The following LTBP1 variants were observed in gnomAD, a reference collection of about 807,000 sequenced individuals.
LTBP1 encodes the protein latent transforming growth factor beta binding protein 1.
A neutral mutation model predicts 207.6 loss-of-function variants in LTBP1; 129 were observed. That is an observed-to-expected ratio of 0.62 (90% CI 0.54 to 0.72). The LOEUF (loss-of-function observed/expected upper bound fraction) is 0.72, where lower values mean the gene tolerates loss of function less well. LTBP1 is among the 30% of genes least tolerant of loss of function. The pLI is 0.00. For missense variants in LTBP1, 2,281 were observed against 2,217.2 expected (o/e 1.03, Z -0.58); for synonymous variants, 963 against 833.7 (o/e 1.16, Z -2.67).
chr2:33,293,220 G>C lies in LTBP1; in HGVS notation c.3173G>C (p.Gly1058Ala), dbSNP rs1413822905. ...AATGGTGATTGTTCCAACCTTGAAGGCTCCTACATGTGTTCATGCCACAAA... is the reference window on the plus strand; with the variant it reads ...AATGGTGATTGTTCCAACCTTGAAGCCTCCTACATGTGTTCATGCCACAAA... ...CANGDCSNLE[G>A]SYMCSCHKGY... Residue 1058 changes from glycine to alanine, a missense_variant, in exon 20 of 34, where the codon GGC becomes GCC. Around this residue, in one of 3 missense-constraint regions of LTBP1, gnomAD observed 1,671 missense variants for 1,634.8 expected, o/e 1.02. Coordinates refer to ENST00000404816, the MANE Select transcript of LTBP1 (RefSeq NM_206943.4). The C allele has an allele frequency of 1.9e-6, 3 of 1,613,996 alleles. No homozygotes were observed. Among genetic ancestry groups the C allele is most frequent in the Admixed American group, 3.3e-5 (2 of 60,006 alleles).
At chr2:33,347,110 T>C (rs1573951866) in intron 25 of LTBP1, among the ~76,000 whole-genome samples, 1 of 106,878 alleles carries the variant, frequency 9.4e-6, no homozygotes. Flanking sequence ...AGAGCGAGAC[T>C]CCGTCTCAAA....
intron 3 of LTBP1, among the ~76,000 whole-genome samples, chr2:33,060,599 G>A (rs190562924): frequency 6.6e-6 from 1 of 150,812 alleles, no homozygotes; most frequent in Non-Finnish European, 1.5e-5. Flanking sequence ...ATGGAGGGAG[G>A]CAGGGAGGGA....
chr2:32,973,122 T>TG (rs1681160982), intron 2 of LTBP1, among the ~76,000 whole-genome samples: 1 of 151,366 alleles, frequency 6.6e-6, no homozygotes. Context: ...CTGTTTTTTT[T>TG]GTTGTTGAGA....
At chr2:33,219,382 C>A (rs534522055) in intron 8 of LTBP1, among the ~76,000 whole-genome samples, 127 of 152,218 alleles carry the variant, frequency 8.3e-4, no homozygotes, top group African/African-American at 2.8e-3. Flanking sequence ...GCAACCTGAC[C>A]AAAGGGATAG....
At chr2:33,058,027 C>A (rs72793703) in intron 3 of LTBP1, among the ~76,000 whole-genome samples, 15,837 of 152,298 alleles carry the variant, frequency 0.1, 987 homozygotes, top group Non-Finnish European at 0.14. Flanking sequence ...TGCTCTACCT[C>A]ATCATAAAAG....
chr2:33,228,754 C>T (rs920778606), intron 9 of LTBP1, among the ~76,000 whole-genome samples: 4 of 123,694 alleles, frequency 3.2e-5, no homozygotes, highest in Middle Eastern at 7.1e-3. Context: ...GGCTGGAGTG[C>T]AGTGGTGCAA....
chr2:33,367,776 C>G (rs2095011540), intron 31 of LTBP1, among the ~76,000 whole-genome samples: 1 of 152,024 alleles, frequency 6.6e-6, no homozygotes, highest in African/African-American at 2.4e-5. Context: ...TTCATTGCAG[C>G]ATTGTTTATA....
intron 25 of LTBP1, among the ~76,000 whole-genome samples, chr2:33,346,792 G>T (rs531918060): frequency 3.9e-5 from 6 of 152,008 alleles, no homozygotes; most frequent in Non-Finnish European, 8.8e-5. Context: ...TACTAGTTTT[G>T]CAGTACAATT....
At chr2:32,977,900 A>G (rs544173607) in intron 2 of LTBP1, among the ~76,000 whole-genome samples, 7 of 151,914 alleles carry the variant, frequency 4.6e-5, no homozygotes, top group Non-Finnish European at 8.8e-5. Flanking sequence ...TCTTGCATCA[A>G]TGTTTTGTAG....
chr2:33,331,819 A>G (rs2094497375), intron 24 of LTBP1, among the ~76,000 whole-genome samples: 1 of 152,180 alleles, frequency 6.6e-6, no homozygotes, highest in Admixed American at 6.5e-5. Context: ...ACTCGGCTAG[A>G]TTAAAAAGCA....
chr2:32,987,136 G>A (rs528691729), intron 2 of LTBP1, among the ~76,000 whole-genome samples: 13 of 152,348 alleles, frequency 8.5e-5, no homozygotes, highest in Admixed American at 8.5e-4. Context: ...AGCTGGGGAG[G>A]TAGGAGACGG....
intron 2 of LTBP1, among the ~76,000 whole-genome samples, chr2:32,989,371 C>T (rs1684066475): frequency 6.6e-6 from 1 of 152,174 alleles, no homozygotes; most frequent in African/African-American, 2.4e-5. Flanking sequence ...ATTTTATAGT[C>T]ACAAATCATT....
At position 33,342,972 on chromosome 2, in the gene LTBP1, T is replaced by A; in HGVS notation, c.3856+9T>A. 2 of 1,606,636 alleles carry A rather than the reference T, an allele frequency of 1.2e-6. No individual in the cohort carries two copies. The highest frequency in any genetic ancestry group is 1.7e-6 in the Non-Finnish European group (2 of 1,176,302). On this transcript the variant is annotated intron_variant, in intron 25 of 33. Transcript: ENST00000404816. ...TGGGCAAGGGTGTGTGGGTGAGTTTTTAGATTTTTTCCCAACGTGTTTCAC... is the reference window on the plus strand; with the variant it reads ...TGGGCAAGGGTGTGTGGGTGAGTTTATAGATTTTTTCCCAACGTGTTTCAC...
chr2:33,105,193 G>C (rs775825947), intron 3 of LTBP1, among the ~76,000 whole-genome samples: 8 of 152,114 alleles, frequency 5.3e-5, no homozygotes, highest in Non-Finnish European at 1.0e-4. Context: ...TTCACATCCA[G>C]ACCATCCCAA....
Position 33,262,773 on chromosome 2 carries a change from C to G in LTBP1, c.2470C>G (p.Gln824Glu), listed in dbSNP as rs1315800181. The change falls in exon 14 of 34, where the codon CAG becomes GAG. Residue 824 changes from glutamine to glutamate, a missense_variant. This residue lies in a region of LTBP1 where 1,671 missense variants were observed against 1,634.8 expected (regional missense o/e 1.02). Transcript: ENST00000404816. ...AACCAAACTTGAGCCTGGTCAACCC[C>G]AGCTGTCTCCAGGCATTTCCACTAT... is the stretch of plus-strand genomic sequence containing the variant. ...EKTKLEPGQP[Q>E]LSPGISTIHL... is the part of the protein sequence containing the mutation. The G allele has an allele frequency of 6.2e-7, 1 of 1,607,254 alleles. No homozygotes were observed. The highest frequency in any genetic ancestry group is 1.3e-5 in the African/African-American group (1 of 74,784).
At chr2:33,162,481 C>T (rs2084553477) in intron 5 of LTBP1, among the ~76,000 whole-genome samples, 2 of 152,152 alleles carry the variant, frequency 1.3e-5, no homozygotes, top group South Asian at 4.1e-4. Context: ...CATTTTTATG[C>T]TAATGGTGAA....
chr2:33,270,184 T>C (rs1325941570), intron 15 of LTBP1, among the ~76,000 whole-genome samples: 1 of 151,888 alleles, frequency 6.6e-6, no homozygotes, highest in Non-Finnish European at 1.5e-5. Context: ...CCTCCCAAAG[T>C]GCTGGGATTA....
At chr2:33,227,011 A>G (rs1040379652) in intron 9 of LTBP1, among the ~76,000 whole-genome samples, 2 of 151,552 alleles carry the variant, frequency 1.3e-5, no homozygotes, top group African/African-American at 2.4e-5. Context: ...CTTTTTACCA[A>G]TATGTTTTTG....
intron 3 of LTBP1, among the ~76,000 whole-genome samples, chr2:33,050,195 G>C (rs978597694): frequency 6.8e-6 from 1 of 147,084 alleles, no homozygotes; most frequent in Non-Finnish European, 1.5e-5. Context: ...GATCCAAATA[G>C]GTGGCCATTG....
Sources: gnomAD v4.1 joint callset for allele counts (sites outside exome capture counted in the v4.1 genomes callset) on GRCh38, gnomAD v4.1.1 for gene constraint, gnomAD v4.1.1 regional missense constraint, MANE v1.5 for transcripts, NCBI Gene and HGNC (gene_info 2026-07-23, HGNC 2026-07-21) for gene names.